PLCL1: variants seen among roughly 807,000 people sequenced by gnomAD.
PLCL1 encodes phospholipase C like 1 (inactive).
A neutral mutation model predicts 84.4 loss-of-function variants in PLCL1; 41 were observed. The observed-to-expected ratio is 0.49, with a 90% CI of 0.38 to 0.63. The LOEUF is 0.63. Ranked by LOEUF, PLCL1 falls within the 30% of genes least tolerant of loss-of-function variation. The pLI, the probability that PLCL1 is intolerant of heterozygous loss-of-function variation, is 0.00. For synonymous variants in PLCL1, 490 were observed against 488.3 expected, an observed-to-expected ratio of 1.00 and a Z score of -0.05; for missense variants, 1,206 against 1,367.8, an observed-to-expected ratio of 0.88 and a Z score of 1.87.
At chr2:197,942,327 A>C (rs1379533555) in intron 1 of PLCL1, among the ~76,000 whole-genome samples, 1 of 152,120 alleles carries the variant, frequency 6.6e-6, no homozygotes, top group African/African-American at 2.4e-5. Flanking sequence ...CTTTTAACAA[A>C]CGTAGATCTC....
chr2:198,102,650 AG>A (rs1559106280), intron 4 of PLCL1, among the ~76,000 whole-genome samples: 1 of 152,114 alleles, frequency 6.6e-6, no homozygotes, highest in Non-Finnish European at 1.5e-5. Context: ...CCATCTTTAA[AG>A]AAGAGTTTCA....
At chr2:198,139,053 G>A (rs1461623708) in intron 5 of PLCL1, among the ~76,000 whole-genome samples, 1 of 152,098 alleles carries the variant, frequency 6.6e-6, no homozygotes, top group African/African-American at 2.4e-5. Flanking sequence ...TACTCAGGAG[G>A]CTGAGGCAGG....
intron 1 of PLCL1, among the ~76,000 whole-genome samples, chr2:197,829,042 C>T (rs1428313310): frequency 6.6e-6 from 1 of 152,084 alleles, no homozygotes; most frequent in Non-Finnish European, 1.5e-5. Context: ...GGTTGCCAGA[C>T]AAAATGCAAG....
intron 1 of PLCL1, among the ~76,000 whole-genome samples, chr2:197,827,279 G>A (rs943983188): frequency 2.0e-5 from 3 of 152,022 alleles, no homozygotes; most frequent in Non-Finnish European, 2.9e-5. Flanking sequence ...TGTGGAGCCC[G>A]CTTTTTCTTC....
intron 1 of PLCL1, among the ~76,000 whole-genome samples, chr2:197,934,554 G>T (rs1421668444): frequency 6.6e-6 from 1 of 151,966 alleles, no homozygotes; most frequent in African/African-American, 2.4e-5. Flanking sequence ...ATTTGAATGA[G>T]GTATTTGCAG....
At chr2:198,055,140 G>A (rs544048550) in intron 1 of PLCL1, among the ~76,000 whole-genome samples, 109 of 152,160 alleles carry the variant, frequency 7.2e-4, no homozygotes, top group Non-Finnish European at 8.2e-4. Context: ...ACAGGTCGAA[G>A]GTTCTGGGAA....
At chr2:197,942,865 C>G (rs972959073) in intron 1 of PLCL1, among the ~76,000 whole-genome samples, 11 of 152,060 alleles carry the variant, frequency 7.2e-5, no homozygotes, top group African/African-American at 2.7e-4. Context: ...CAGACTTCTC[C>G]TGATTTGGAA....
At chr2:198,016,342 G>A (rs903132034) in intron 1 of PLCL1, among the ~76,000 whole-genome samples, 2 of 152,142 alleles carry the variant, frequency 1.3e-5, no homozygotes, top group Non-Finnish European at 2.9e-5. Flanking sequence ...ATTGTTTCCC[G>A]TCAACTTGAA....
chr2:198,086,944 A>G (rs1358103983), intron 2 of PLCL1, among the ~76,000 whole-genome samples: 1 of 152,184 alleles, frequency 6.6e-6, no homozygotes, highest in East Asian at 1.9e-4. Context: ...TCATGAAAGA[A>G]TTTGAAGTGA....
At chr2:198,027,921 A>T (rs757217074) in intron 1 of PLCL1, among the ~76,000 whole-genome samples, 3 of 151,956 alleles carry the variant, frequency 2.0e-5, no homozygotes, top group Non-Finnish European at 4.4e-5. Context: ...GCAGCTTCAA[A>T]CTCCTGAGCT....
chr2:197,973,462 C>A lies in PLCL1; in HGVS notation c.241-110296C>A, dbSNP rs375088300. On this transcript the variant is annotated intron_variant, in intron 1 of 5. Coordinates refer to ENST00000428675, the MANE Select transcript of PLCL1 (RefSeq NM_006226.4). ...ATCCTACATTTATTGAGTGCCTGCC[C>A]TATGCCATTTTGGTGGGGAGAAGTA... Among the ~76,000 whole-genome samples the A allele has an allele frequency of 3.3e-4, 50 of 152,226 alleles. 1 individual carries two copies. The East Asian group carries it at 8.3e-3, about 25-fold the overall frequency.
intron 1 of PLCL1, among the ~76,000 whole-genome samples, chr2:198,060,576 A>G (rs1272963507): frequency 6.6e-6 from 1 of 152,182 alleles, no homozygotes. Context: ...CCATGAAGAT[A>G]GTTTATGGGA....
At chr2:198,097,283 C>T (rs73980705) in intron 3 of PLCL1, among the ~76,000 whole-genome samples, 3,820 of 152,188 alleles carry the variant, frequency 0.025, 145 homozygotes, top group African/African-American at 0.087. Context: ...TTATCAGCAT[C>T]TTGAGGAGTG....
At chr2:197,857,082 C>A (rs1687342920) in intron 1 of PLCL1, among the ~76,000 whole-genome samples, 3 of 151,864 alleles carry the variant, frequency 2.0e-5, no homozygotes, top group Non-Finnish European at 2.9e-5. Context: ...CACTGTGGCA[C>A]ATGTTTACCT....
chr2:198,100,165 A>G (rs976269197), intron 3 of PLCL1, among the ~76,000 whole-genome samples: 1 of 152,114 alleles, frequency 6.6e-6, no homozygotes, highest in Admixed American at 6.6e-5. Context: ...CAAAACGGGG[A>G]AAAAAGTGAT....
intron 1 of PLCL1, among the ~76,000 whole-genome samples, chr2:197,957,771 A>C (rs939348543): frequency 5.9e-5 from 9 of 152,060 alleles, no homozygotes; most frequent in African/African-American, 2.2e-4. Context: ...TATTTTGCCC[A>C]TGCCCTTCCT....
chr2:198,134,504 G>C (rs1461677287), intron 5 of PLCL1, among the ~76,000 whole-genome samples: 1 of 152,086 alleles, frequency 6.6e-6, no homozygotes, highest in African/African-American at 2.4e-5. Flanking sequence ...ATAACTCTTT[G>C]GCCACTTCAG....
At chr2:198,083,143 T>C (rs1692763786) in intron 1 of PLCL1, among the ~76,000 whole-genome samples, 1 of 152,202 alleles carries the variant, frequency 6.6e-6, no homozygotes, top group Admixed American at 6.5e-5. Context: ...AGGCGTGAAT[T>C]CCTATAATGT....
intron 1 of PLCL1, among the ~76,000 whole-genome samples, chr2:197,811,721 A>C (rs1690590561): frequency 6.6e-6 from 1 of 152,224 alleles, no homozygotes; most frequent in Non-Finnish European, 1.5e-5. Context: ...TCATATTCAA[A>C]AGTTTAAAAT....
Sources: allele counts gnomAD v4.1 joint callset (sites outside exome capture counted in the v4.1 genomes callset), GRCh38; gene constraint gnomAD v4.1.1; transcripts MANE v1.5; gene names NCBI Gene and HGNC (gene_info 2026-07-23, HGNC 2026-07-21).